The following CLEC12B variants were observed in gnomAD, a reference collection of about 807,000 sequenced individuals.
The protein encoded by CLEC12B is C-type lectin domain family 12 member B.
In CLEC12B, 25 loss-of-function variants were observed where a neutral mutation model predicts 36.1. The ratio of observed to expected loss-of-function variants is 0.69; its 90% CI spans 0.50 to 0.97. The LOEUF is 0.97. Ranked by LOEUF, CLEC12B falls within the 50% of genes least tolerant of loss-of-function variation. The pLI, the probability that CLEC12B is intolerant of heterozygous loss-of-function variation, is 0.00. For synonymous variants in CLEC12B, 110 were observed against 108.5 expected (o/e 1.01, Z -0.09); for missense variants, 325 against 318.4 (o/e 1.02, Z -0.16).
At chr12:10,014,316 G>GAT (rs1259618456) in intron 2 of CLEC12B, among the ~76,000 whole-genome samples, 9 of 151,998 alleles carry the variant, frequency 5.9e-5, no homozygotes, top group African/African-American at 1.9e-4. Context: ...TTTTAATATA[G>GAT]TGCAATAATA....
chr12:10,007,806 G>A (rs536941525), upstream of CLEC12B, among the ~76,000 whole-genome samples: 26 of 152,358 alleles, frequency 1.7e-4, no homozygotes, highest in African/African-American at 5.8e-4. Flanking sequence ...TATGATGAAT[G>A]AAGAGGTAAG....
At chr12:10,010,153 G>A (rs1183664911), upstream of CLEC12B, among the ~76,000 whole-genome samples, 2 of 146,292 alleles carry the variant, frequency 1.4e-5, no homozygotes, top group Non-Finnish European at 3.0e-5. Flanking sequence ...CCAACACCAT[G>A]TCTCTCTCTC....
chr12:10,011,927 C>T (rs769895952), intron 1 of CLEC12B, among the ~76,000 whole-genome samples: 21 of 152,080 alleles, frequency 1.4e-4, no homozygotes, highest in Non-Finnish European at 2.6e-4. Flanking sequence ...CACAGTGTAC[C>T]TAGAGTCTGT....
chr12:10,010,196 T>TCA (rs1339450318), upstream of CLEC12B, among the ~76,000 whole-genome samples: 6 of 67,378 alleles, frequency 8.9e-5, 1 homozygote, highest in South Asian at 9.7e-4. Context: ...TCTCTGTCTC[T>TCA]CTCTCACACA....
At chr12:10,016,525 C>G (rs766980070) in intron 5 of CLEC12B, 5 of 288,486 alleles carry the variant, frequency 1.7e-5, no homozygotes, top group African/African-American at 2.3e-5. Flanking sequence ...TTGAGGAACA[C>G]CTCTCATCAT....
At chr12:10,008,634 CTAAAT>C, upstream of CLEC12B, among the ~76,000 whole-genome samples, 1 of 152,152 alleles carries the variant, frequency 6.6e-6, no homozygotes, top group Middle Eastern at 3.4e-3. Flanking sequence ...AAAGAAATGT[CTAAAT>C]TAATATGATC....
At chr12:10,016,975 G>A (rs1865502136) in intron 5 of CLEC12B, 1 of 969,346 alleles carries the variant, frequency 1.0e-6, no homozygotes, top group African/African-American at 1.9e-5. Context: ...ACTCTTTAAA[G>A]CATGTTGTCA....
chr12:10,006,543 T>A (rs1865228712), upstream of CLEC12B, among the ~76,000 whole-genome samples: 1 of 151,922 alleles, frequency 6.6e-6, no homozygotes, highest in African/African-American at 2.4e-5. Context: ...AATCAGTTAA[T>A]CTGAGGGAGG....
upstream of CLEC12B, among the ~76,000 whole-genome samples, chr12:10,010,440 T>G (rs542599541): frequency 1.6e-4 from 25 of 152,344 alleles, no homozygotes; most frequent in Admixed American, 9.8e-4. Flanking sequence ...CCGAGGATCA[T>G]GGGAATTCCC....
chr12:10,014,411 C>A, intron 2 of CLEC12B, 112 bp from the exon 3 acceptor site: 1 of 717,020 alleles, frequency 1.4e-6, no homozygotes, highest in Non-Finnish European at 2.3e-6. Context: ...ACCTCAAATA[C>A]TAAGAGCTAC....
chr12:10,014,623 C>A lies in CLEC12B; in HGVS notation c.291C>A (p.Gly97=), dbSNP rs767934161. 12 of 1,613,506 alleles carry A rather than the reference C, an allele frequency of 7.4e-6. No homozygotes were observed. The highest frequency in any genetic ancestry group is 1.0e-5 in the Non-Finnish European group (12 of 1,179,590). The change falls in exon 3 of 6, where the codon GGC becomes GGA. Residue 97 remains glycine (G), a synonymous_variant. Transcript: ENST00000338896. ...QQQDNLSQQL[G]NSNNLSMEEE... ...AGGATAACTTATCCCAGCAACTGGG[C>A]AACTCCAACAACTTGTCCATGGAGG... is the stretch of plus-strand genomic sequence containing the variant.
In CLEC12B at chr12:10,018,580, A is replaced by G. The variant is rs560925981; in HGVS notation, c.*99A>G. ...TACCAGAGCCAAACCAGCTTTTAAA[A>G]TGACTGTGTATTTACATTATCAGAC... is the stretch of plus-strand genomic sequence containing the variant. On this transcript the variant is annotated 3_prime_UTR_variant, in exon 6 of 6. Coordinates refer to ENST00000338896, the MANE Select transcript of CLEC12B (RefSeq NM_001129998.3). 2.8e-5 allele frequency: 26 copies of G among 921,688 alleles called. No individual in the cohort carries two copies. In the African/African-American group the frequency reaches 4.2e-4, roughly 15 times the overall value. 57.1% of individuals were successfully genotyped at this position (921,688 alleles called of 1,614,324 possible).
intron 5 of CLEC12B, chr12:10,017,881 C>T (rs1407577932): frequency 5.1e-6 from 5 of 971,666 alleles, no homozygotes; most frequent in East Asian, 2.3e-4. Context: ...TCTTTTTACC[C>T]ACCACATATG....
intron 1 of CLEC12B, 136 bp downstream of exon 1, chr12:10,010,986 T>C (rs1277455520): frequency 1.4e-5 from 8 of 568,444 alleles, no homozygotes; most frequent in East Asian, 3.1e-5. Flanking sequence ...AGTTGTGGAA[T>C]GTATTAGAAA....
Position 10,018,314 on chromosome 12 carries a change from T to A in CLEC12B, c.681-17T>A. On this transcript the variant is annotated splice_polypyrimidine_tract_variant and intron_variant, in intron 5 of 5. Coordinates refer to ENST00000338896, the MANE Select transcript of CLEC12B (RefSeq NM_001129998.3). ...TTCAAATACAGAATTTATAATTAATTTTAAATTAATTTTCAGATTTAGTAC... is the reference window on the plus strand; with the variant it reads ...TTCAAATACAGAATTTATAATTAATATTAAATTAATTTTCAGATTTAGTAC... 7.3e-7 allele frequency: 1 copy of A among 1,362,274 alleles called. No homozygotes were observed. The highest frequency in any genetic ancestry group is 1.0e-6 in the Non-Finnish European group (1 of 1,004,014). 84.4% of individuals were successfully genotyped at this position (1,362,274 alleles called of 1,614,324 possible). A position where few individuals can be genotyped will look rare whatever the true frequency, so the allele number is the denominator to read the frequency against.
upstream of CLEC12B, among the ~76,000 whole-genome samples, chr12:10,010,224 A>ACACG (rs1430526408): frequency 6.6e-6 from 1 of 151,666 alleles, no homozygotes; most frequent in Non-Finnish European, 1.5e-5. Flanking sequence ...ACACACACAC[A>ACACG]CACACACACA....
Position 10,018,426 on chromosome 12 carries a change from T to G in CLEC12B, c.776T>G (p.Ile259Ser). ...NIYISRCSAE[I>S]FWICEKTAAP... is the part of the protein sequence containing the mutation. The stretch of plus-strand genomic sequence containing the variant: ...TATATTTCTCGCTGTAGTGCTGAAA[T>G]TTTTTGGATTTGCGAGAAGACAGCT... The change falls in exon 6 of 6, where the codon ATT (isoleucine) becomes AGT (serine). Residue 259 changes from isoleucine (I) to serine (S), a missense_variant. Ile to Ser is a moderately radical substitution (Grantham distance 142, BLOSUM62 -2). Transcript: ENST00000338896. 1 of 1,550,630 alleles carries G rather than the reference T, an allele frequency of 6.4e-7. No individual in the cohort carries two copies. The highest frequency in any genetic ancestry group is 8.7e-7 in the Non-Finnish European group (1 of 1,146,326).
upstream of CLEC12B, among the ~76,000 whole-genome samples, chr12:10,008,721 AT>A (rs756697776): frequency 6.6e-6 from 1 of 152,212 alleles, no homozygotes; most frequent in Non-Finnish European, 1.5e-5. Flanking sequence ...AGTGTTATCA[AT>A]CTTCTCTTAG....
upstream of CLEC12B, chr12:10,010,544 C>T: frequency 7.6e-6 from 3 of 397,332 alleles, no homozygotes; most frequent in South Asian, 7.9e-5. Flanking sequence ...CTGTAACATT[C>T]TAATGAGAAT....
Sources: allele counts gnomAD v4.1 joint callset (sites outside exome capture counted in the v4.1 genomes callset), GRCh38; gene constraint gnomAD v4.1.1; transcripts MANE v1.5; gene names NCBI Gene and HGNC (gene_info 2026-07-23, HGNC 2026-07-21).